Variants in FHOD3 observed in about 807,000 individuals in gnomAD.
FHOD3 encodes the protein FH1/FH2 domain-containing protein 3.
Under a neutral mutation model 173.0 loss-of-function variants are expected in FHOD3, and 90 were observed. The observed-to-expected ratio is 0.52, with a 90% CI of 0.44 to 0.62. FHOD3 has a LOEUF of 0.62. Ranked by LOEUF, FHOD3 falls within the 20% of genes least tolerant of loss-of-function variation. The probability of loss-of-function intolerance (pLI) is 0.00; values close to 1 mark genes in which losing one functional copy is unlikely to be tolerated. For missense variants in FHOD3, 1,945 were observed against 2,034.7 expected (o/e 0.96, Z 0.85); for synonymous variants, 828 against 823.0 (o/e 1.01, Z -0.10).
intron 3 of FHOD3, among the ~76,000 whole-genome samples, chr18:36,482,846 CTCACACACACACAGAGAGAGAGAGAG>C (rs2053983568): frequency 5.5e-5 from 3 of 54,472 alleles, no homozygotes; most frequent in African/African-American, 1.9e-4. Flanking sequence ...CACACACACA[CTCACACACACACAGAGAGAGAGAGAG>C]AGAGAGAGAG....
chr18:36,606,951 C>G (rs761492906), intron 8 of FHOD3, among the ~76,000 whole-genome samples: 16 of 152,268 alleles, frequency 1.1e-4, no homozygotes, highest in African/African-American at 3.9e-4. Context: ...GTTGAGCCCA[C>G]AAGGCCTCAG....
At chr18:36,573,503 G>A (rs2058533378) in intron 5 of FHOD3, among the ~76,000 whole-genome samples, 1 of 151,924 alleles carries the variant, frequency 6.6e-6, no homozygotes. Context: ...CTACTCAGGA[G>A]GCTGAGATGG....
chr18:36,538,770 T>G (rs1365762712), intron 5 of FHOD3, among the ~76,000 whole-genome samples: 1 of 152,096 alleles, frequency 6.6e-6, no homozygotes, highest in African/African-American at 2.4e-5. Flanking sequence ...ATGGCAGTGG[T>G]GGGAGGTAGG....
intron 5 of FHOD3, among the ~76,000 whole-genome samples, chr18:36,570,042 AAAT>A (rs2058399326): frequency 6.6e-6 from 1 of 152,114 alleles, no homozygotes; most frequent in Non-Finnish European, 1.5e-5. Context: ...AGAAGGAAGA[AAAT>A]AATAAAAGTA....
At chr18:36,366,432 GC>G (rs1253508129) in intron 2 of FHOD3, among the ~76,000 whole-genome samples, 1 of 152,202 alleles carries the variant, frequency 6.6e-6, no homozygotes, top group Non-Finnish European at 1.5e-5. Flanking sequence ...TCACATGCCA[GC>G]CATGTCCACA....
At chr18:36,721,987 G>C (rs1401601953) in intron 19 of FHOD3, among the ~76,000 whole-genome samples, 2 of 152,190 alleles carry the variant, frequency 1.3e-5, no homozygotes, top group Admixed American at 1.3e-4. Context: ...TCATGAGCCA[G>C]ATCTAAGGCT....
At chr18:36,746,873 C>A in intron 23 of FHOD3, 72 bp from the exon 24 acceptor site, 1 of 1,166,642 alleles carries the variant, frequency 8.6e-7, no homozygotes. Flanking sequence ...TCCCCAGAGG[C>A]AGTTTTGTCT....
rs1467139892 is a variant in FHOD3, at chr18:36,652,869, AC to A, written c.1587del (p.Phe530LeufsTer27). ...PHSPFHLFSY[D>X]FEDSSLSTKE... ...AGCCCCTTCCACCTCTTCTCCTATG[AC>A]TTTGAGGACTCCTCCCTGTCCACCA... On this transcript the variant is annotated frameshift_variant, in exon 12 of 29. Transcript: ENST00000590592. LOFTEE classifies it high-confidence loss of function. The A allele has an allele frequency of 6.5e-7, 1 of 1,535,812 alleles. No individual in the cohort carries two copies. The highest frequency in any genetic ancestry group is 2.0e-5 in the Admixed American group (1 of 50,972).
intron 19 of FHOD3, among the ~76,000 whole-genome samples, chr18:36,720,460 A>G (rs1244485526): frequency 6.6e-6 from 1 of 151,682 alleles, no homozygotes; most frequent in East Asian, 1.9e-4. Context: ...CTGGTCTCAA[A>G]CTCTCAACCT....
chr18:36,700,881 G>T lies in FHOD3; in HGVS notation c.2236+7458G>T, dbSNP rs541109375. Among the ~76,000 whole-genome samples, 3 of 152,204 alleles carry T rather than the reference G, an allele frequency of 2.0e-5. No individual in the cohort carries two copies. The East Asian group carries it at 5.8e-4, about 29-fold the overall frequency. On this transcript the variant is annotated intron_variant, in intron 17 of 28. Transcript: ENST00000590592. ...TGTGCTTGGAGTGCACTCTTCCATTGGGTGCCCCCTGGACTCTTCATCGAG... is the reference window on the plus strand; with the variant it reads ...TGTGCTTGGAGTGCACTCTTCCATTTGGTGCCCCCTGGACTCTTCATCGAG...
intron 24 of FHOD3, among the ~76,000 whole-genome samples, chr18:36,753,306 G>T (rs2042485561): frequency 6.6e-6 from 1 of 152,142 alleles, no homozygotes; most frequent in Non-Finnish European, 1.5e-5. Context: ...CTCTGAGGTG[G>T]GCTTTTTCAG....
chr18:36,374,432 G>A (rs1239632931), intron 3 of FHOD3, among the ~76,000 whole-genome samples: 1 of 152,124 alleles, frequency 6.6e-6, no homozygotes, highest in African/African-American at 2.4e-5. Flanking sequence ...TCAGAATTAT[G>A]TAATTTAATG....
intron 8 of FHOD3, 40 bp from the exon 9 acceptor site, chr18:36,611,912 T>C (rs1482258731): frequency 1.3e-6 from 2 of 1,591,814 alleles, no homozygotes; most frequent in East Asian, 2.2e-5. Context: ...CAAGGCAGTC[T>C]TCTGTGGTGT....
At chr18:36,507,511 C>T (rs1267267278) in intron 4 of FHOD3, among the ~76,000 whole-genome samples, 1 of 152,114 alleles carries the variant, frequency 6.6e-6, no homozygotes, top group Admixed American at 6.5e-5. Flanking sequence ...TACTTCAGAG[C>T]ACTTGTCTTG....
chr18:36,496,295 A>C (rs897163215), intron 3 of FHOD3, among the ~76,000 whole-genome samples: 4 of 152,234 alleles, frequency 2.6e-5, no homozygotes, highest in Admixed American at 2.6e-4. Context: ...TGTCACATCA[A>C]AGTTGCTGGT....
At chr18:36,562,925 A>C (rs1371192264) in intron 5 of FHOD3, among the ~76,000 whole-genome samples, 1 of 152,054 alleles carries the variant, frequency 6.6e-6, no homozygotes, top group Non-Finnish European at 1.5e-5. Context: ...TGCTGTGATG[A>C]TTCTCCTCTG....
chr18:36,562,308 C>T (rs1365444771), intron 5 of FHOD3, among the ~76,000 whole-genome samples: 1 of 152,172 alleles, frequency 6.6e-6, no homozygotes, highest in African/African-American at 2.4e-5. Flanking sequence ...TGAGCCACTG[C>T]ACCCGGCCAT....
chr18:36,551,756 C>T (rs1383086020), intron 5 of FHOD3, among the ~76,000 whole-genome samples: 1 of 152,150 alleles, frequency 6.6e-6, no homozygotes, highest in Non-Finnish European at 1.5e-5. Context: ...AATAGGGAAT[C>T]CTTTCCCCAT....
intron 3 of FHOD3, among the ~76,000 whole-genome samples, chr18:36,447,908 A>G (rs891628831): frequency 1.3e-5 from 2 of 152,200 alleles, no homozygotes; most frequent in African/African-American, 2.4e-5. Flanking sequence ...TTTACTTTTC[A>G]CTGAGGAGGG....
Sources: allele counts gnomAD v4.1 joint callset (sites outside exome capture counted in the v4.1 genomes callset), GRCh38; gene constraint gnomAD v4.1.1; transcripts MANE v1.5; gene names NCBI Gene and HGNC (gene_info 2026-07-23, HGNC 2026-07-21).